Variants in CD47 observed in about 807,000 individuals in gnomAD.
The protein encoded by CD47 is leukocyte surface antigen CD47.
CD47 carries 11 observed loss-of-function variants against 44.6 expected under a neutral mutation model. That is an observed-to-expected ratio of 0.25 (90% CI 0.16 to 0.41). The LOEUF (loss-of-function observed/expected upper bound fraction) is 0.41, where lower values mean the gene tolerates loss of function less well. CD47 is among the 10% of genes least tolerant of loss of function. The probability of loss-of-function intolerance (pLI) is 1.00; values close to 1 mark genes in which losing one functional copy is unlikely to be tolerated. For missense variants in CD47, 306 were observed against 386.7 expected (o/e 0.79, Z 1.75); for synonymous variants, 140 against 136.3 (o/e 1.03, Z -0.19).
chr3:108,061,157 T>G (rs1002294921), intron 3 of CD47, among the ~76,000 whole-genome samples: 5 of 150,264 alleles, frequency 3.3e-5, no homozygotes, highest in African/African-American at 1.2e-4. Flanking sequence ...GATAAGTTTT[T>G]GGGGGGAGGG....
intron 6 of CD47, 23 bp from the exon 7 acceptor site, chr3:108,057,592 G>GT (rs750838136): frequency 8.8e-7 from 1 of 1,139,816 alleles, no homozygotes; most frequent in South Asian, 1.3e-5. Context: ...ATAAAATTCT[G>GT]TATTAGAAAA....
chr3:108,082,707 A>G (rs1250889390), intron 1 of CD47, among the ~76,000 whole-genome samples: 1 of 152,006 alleles, frequency 6.6e-6, no homozygotes, highest in Non-Finnish European at 1.5e-5. Context: ...TGAACAATCC[A>G]CCATTTCATA....
chr3:108,074,202 G>A (rs1378443583), intron 2 of CD47, among the ~76,000 whole-genome samples: 2 of 152,170 alleles, frequency 1.3e-5, no homozygotes, highest in East Asian at 1.9e-4. Flanking sequence ...TAGATGATGA[G>A]ATAGACTAGA....
At chr3:108,090,816 G>A in intron 1 of CD47, 47 bp downstream of exon 1, 1 of 1,454,754 alleles carries the variant, frequency 6.9e-7, no homozygotes. Context: ...ACGCCCGCGG[G>A]GGCGAAGCGA....
At chr3:108,054,552 T>C (rs2078881626) in intron 7 of CD47, 1 of 152,194 alleles carries the variant, frequency 6.6e-6, no homozygotes, top group South Asian at 2.1e-4. Flanking sequence ...GCCATATATA[T>C]ATATTTTTTA....
chr3:108,054,129 T>G (rs1026807232), intron 7 of CD47: 2 of 152,212 alleles, frequency 1.3e-5, no homozygotes, highest in Admixed American at 1.3e-4. Context: ...ATGCCTGTAG[T>G]CCCAGCTACT....
chr3:108,080,106 A>G lies in CD47; in HGVS notation c.285T>C (p.Asp95=). ...KIEVSQLLKG[D]ASLKMDKSDA... ...CACTCTTATCCATCTTCAAAGAGGC[A>G]TCTCCTTTTAGTAATTGTGAGACTT... Residue 95 remains aspartate (D), a synonymous_variant, in exon 2 of 11, where the codon GAT becomes GAC. Transcript: ENST00000361309. 6.2e-7 allele frequency: 1 copy of G among 1,613,034 alleles called. No individual in the cohort carries two copies. Among genetic ancestry groups the G allele is most frequent in the Non-Finnish European group, 8.5e-7 (1 of 1,179,120 alleles).
intron 7 of CD47, chr3:108,054,536 T>C (rs886509969): frequency 6.6e-6 from 1 of 152,100 alleles, no homozygotes; most frequent in African/African-American, 2.4e-5. Flanking sequence ...GCCTAAGACA[T>C]TGACAGCCAT....
intron 1 of CD47, among the ~76,000 whole-genome samples, chr3:108,083,655 A>G (rs912351407): frequency 1.3e-5 from 2 of 151,996 alleles, no homozygotes; most frequent in African/African-American, 4.8e-5. Flanking sequence ...ATAGGCAAAA[A>G]CAGAAGAATG....
chr3:108,065,727 G>A (rs928749205), intron 3 of CD47, among the ~76,000 whole-genome samples: 2 of 141,960 alleles, frequency 1.4e-5, no homozygotes, highest in South Asian at 4.4e-4. Flanking sequence ...CAGAAGAATC[G>A]CTTGAACCTG....
chr3:108,081,613 A>T (rs562772804), intron 1 of CD47, among the ~76,000 whole-genome samples: 1 of 152,046 alleles, frequency 6.6e-6, no homozygotes, highest in South Asian at 2.1e-4. Context: ...CCCCTTTTTA[A>T]TATGCTGCCT....
At chr3:108,051,773 T>C (rs1559978690) in intron 8 of CD47, 166 bp downstream of exon 8, 1 of 700,292 alleles carries the variant, frequency 1.4e-6, no homozygotes, top group Non-Finnish European at 2.7e-6. Flanking sequence ...CAAACACAGG[T>C]TTTAAAATAG....
At chr3:108,048,986 A>G (rs1395325653) in intron 10 of CD47, among the ~76,000 whole-genome samples, 1 of 152,168 alleles carries the variant, frequency 6.6e-6, no homozygotes, top group Admixed American at 6.5e-5. Context: ...TCTCAAACCT[A>G]TGTATCTTTA....
intron 1 of CD47, 36 bp downstream of exon 1, chr3:108,090,827 C>T: frequency 6.8e-7 from 1 of 1,462,288 alleles, no homozygotes; most frequent in Non-Finnish European, 9.0e-7. Flanking sequence ...GGCGAAGCGA[C>T]AGCAGCCGCA....
intron 8 of CD47, 119 bp downstream of exon 8, chr3:108,051,820 T>C: frequency 2.5e-6 from 2 of 798,640 alleles, no homozygotes; most frequent in Non-Finnish European, 4.5e-6. Context: ...TGCAATGACT[T>C]CAACATTCTC....
rs1052295991 is a variant in CD47 at position 108,070,977 on chromosome 3, A to T, written c.490+116T>A. 3 of 559,520 alleles carry T rather than the reference A, an allele frequency of 5.4e-6. No homozygotes were observed. In the East Asian group the frequency reaches 9.3e-5, roughly 17 times the overall value. 34.7% of individuals were successfully genotyped at this position (559,520 alleles called of 1,614,324 possible). A position where few individuals can be genotyped will look rare whatever the true frequency, so the allele number is the denominator to read the frequency against. On this transcript the variant is annotated intron_variant, in intron 3 of 10. Transcript: ENST00000361309. ...CTAGTAGTATTCAAATTACATACTCATATTTATCATAATAGCACTTTTCCT... is the reference window on the plus strand; with the variant it reads ...CTAGTAGTATTCAAATTACATACTCTTATTTATCATAATAGCACTTTTCCT...
chr3:108,089,361 C>T lies in CD47; in HGVS notation c.46+1502G>A, dbSNP rs550460647. On this transcript the variant is annotated intron_variant, in intron 1 of 10. Coordinates refer to ENST00000361309, the MANE Select transcript of CD47 (RefSeq NM_001777.4). ...TTACTAAAGAAGGCCTAACATAAATCCTATCACTCAAAGTACCATTCCAAC... is the reference window on the plus strand; with the variant it reads ...TTACTAAAGAAGGCCTAACATAAATTCTATCACTCAAAGTACCATTCCAAC... Among the ~76,000 whole-genome samples the T allele has an allele frequency of 3.9e-5, 6 of 152,220 alleles. No individual in the cohort carries two copies. In the East Asian group the frequency reaches 9.7e-4, roughly 25 times the overall value.
chr3:108,082,863 A>G (rs1032561344), intron 1 of CD47, among the ~76,000 whole-genome samples: 1 of 152,060 alleles, frequency 6.6e-6, no homozygotes, highest in Non-Finnish European at 1.5e-5. Context: ...ATTGACCTGG[A>G]TAAACCACAA....
Position 108,071,121 on chromosome 3 carries a change from G to A in CD47, c.462C>T (p.Leu154=). ...TAATACCAAACTGTCCCCAGAACAG[G>A]AGTATAGCAAAAATTGGGAAAATAA... ...LIVIFPIFAI[L]LFWGQFGIKT... Residue 154 remains leucine, a synonymous_variant, in exon 3 of 11, where the codon CTC becomes CTT. Transcript: ENST00000361309. 6.8e-7 allele frequency: 1 copy of A among 1,473,162 alleles called. No homozygotes were observed. The highest frequency in any genetic ancestry group is 9.4e-7 in the Non-Finnish European group (1 of 1,069,344). 91.3% of individuals were successfully genotyped at this position (1,473,162 alleles called of 1,614,324 possible).
Sources: allele counts gnomAD v4.1 joint callset (sites outside exome capture counted in the v4.1 genomes callset), GRCh38; gene constraint gnomAD v4.1.1; transcripts MANE v1.5; gene names NCBI Gene and HGNC (gene_info 2026-07-23, HGNC 2026-07-21).